ARHGAP24: variants seen among roughly 807,000 people sequenced by gnomAD.
ARHGAP24 encodes Rho GTPase activating protein 24.
Under a neutral mutation model 76.4 loss-of-function variants are expected in ARHGAP24, and 50 were observed. The observed-to-expected ratio is 0.65, with a 90% CI of 0.52 to 0.83. ARHGAP24 has a LOEUF of 0.83. ARHGAP24 is among the 40% of genes least tolerant of loss of function. The pLI is 0.00. For missense variants in ARHGAP24, 930 were observed against 914.2 expected, an observed-to-expected ratio of 1.02 and a Z score of -0.22; for synonymous variants, 345 against 323.3, an observed-to-expected ratio of 1.07 and a Z score of -0.72.
At chr4:85,957,816 A>G (rs533497034) in intron 5 of ARHGAP24, among the ~76,000 whole-genome samples, 1 of 152,246 alleles carries the variant, frequency 6.6e-6, no homozygotes, top group Non-Finnish European at 1.5e-5. Flanking sequence ...ACCTCCATGA[A>G]TGGGTATTAA....
intron 3 of ARHGAP24, among the ~76,000 whole-genome samples, chr4:85,841,088 A>T (rs1279465781): frequency 3.3e-5 from 5 of 152,158 alleles, no homozygotes; most frequent in Non-Finnish European, 7.4e-5. Flanking sequence ...TTATGTTTTA[A>T]ATGGAATCCA....
intron 1 of ARHGAP24, among the ~76,000 whole-genome samples, chr4:85,501,692 G>C (rs573220970): frequency 2.6e-5 from 4 of 152,234 alleles, no homozygotes; most frequent in Admixed American, 2.6e-4. Flanking sequence ...TCTGATGGTA[G>C]TTTCTTTTGC....
intron 2 of ARHGAP24, among the ~76,000 whole-genome samples, chr4:85,692,890 A>G (rs1560588472): frequency 6.6e-6 from 1 of 152,164 alleles, no homozygotes; most frequent in Non-Finnish European, 1.5e-5. Context: ...TTGAATTGTC[A>G]GAGTTCTGGT....
At chr4:85,968,160 A>G (rs1378027497) in intron 5 of ARHGAP24, among the ~76,000 whole-genome samples, 3 of 152,016 alleles carry the variant, frequency 2.0e-5, no homozygotes, top group Non-Finnish European at 2.9e-5. Flanking sequence ...ACCAAAGAGC[A>G]TGACTCTACA....
intron 3 of ARHGAP24, among the ~76,000 whole-genome samples, chr4:85,749,732 A>AT (rs1298621343): frequency 1.3e-5 from 2 of 151,798 alleles, no homozygotes; most frequent in Non-Finnish European, 2.9e-5. Flanking sequence ...CGCCTGGCTA[A>AT]TTTTTTGTAT....
intron 4 of ARHGAP24, among the ~76,000 whole-genome samples, chr4:85,932,432 G>A (rs956978206): frequency 1.6e-5 from 2 of 122,760 alleles, no homozygotes; most frequent in African/African-American, 6.6e-5. Flanking sequence ...TATCTTTAAA[G>A]GACTTTTTTT....
intron 3 of ARHGAP24, among the ~76,000 whole-genome samples, chr4:85,799,060 A>C (rs988166176): frequency 2.0e-5 from 3 of 152,222 alleles, no homozygotes; most frequent in Admixed American, 2.0e-4. Flanking sequence ...AATTTTTTAA[A>C]ATATATGCTG....
chr4:85,936,152 G>A (rs943287448), intron 4 of ARHGAP24, among the ~76,000 whole-genome samples: 1 of 152,186 alleles, frequency 6.6e-6, no homozygotes, highest in African/African-American at 2.4e-5. Flanking sequence ...CAGAGTTGCA[G>A]TAAGCAGAGG....
intron 2 of ARHGAP24, chr4:85,686,552 G>C (rs1356878728): frequency 6.6e-6 from 1 of 152,138 alleles, no homozygotes. Flanking sequence ...GGTATATATA[G>C]TATTGAGTAA....
intron 2 of ARHGAP24, among the ~76,000 whole-genome samples, chr4:85,677,948 G>A (rs1578133262): frequency 6.6e-6 from 1 of 152,038 alleles, no homozygotes; most frequent in Admixed American, 6.6e-5. Flanking sequence ...ACTGAGGCAA[G>A]AGCATCACTT....
At chr4:85,581,114 T>C (rs1727590982) in intron 2 of ARHGAP24, among the ~76,000 whole-genome samples, 2 of 152,168 alleles carry the variant, frequency 1.3e-5, no homozygotes, top group Non-Finnish European at 2.9e-5. Context: ...GATTATTAAC[T>C]TGAAATAATA....
rs185219422 is a variant in ARHGAP24, at chr4:85,765,292, A to C, written c.268+43320A>C. The stretch of plus-strand genomic sequence containing the variant: ...GTGAATTGGATTGTGCAGTGAGTAG[A>C]ATATTAGAGCACACCTGCAAGTGGC... On this transcript the variant is annotated intron_variant, in intron 3 of 9. Coordinates refer to ENST00000395184, the MANE Select transcript of ARHGAP24 (RefSeq NM_001025616.3). Among the ~76,000 whole-genome samples the C allele has an allele frequency of 3.8e-3, 572 of 152,232 alleles. 7 individuals are homozygous for C. Among genetic ancestry groups the C allele is most frequent in the African/African-American group, 0.013 (555 of 41,586 alleles).
intron 3 of ARHGAP24, among the ~76,000 whole-genome samples, chr4:85,828,225 G>T (rs1729814967): frequency 6.6e-6 from 1 of 152,114 alleles, no homozygotes; most frequent in South Asian, 2.1e-4. Context: ...GTGTTTCTTG[G>T]ATTCTTTCGT....
intron 1 of ARHGAP24, among the ~76,000 whole-genome samples, chr4:85,541,281 G>A (rs1182035544): frequency 7.6e-6 from 1 of 131,440 alleles, no homozygotes; most frequent in African/African-American, 3.7e-5. Context: ...AGCCTCCCAA[G>A]TAGCTGGGAC....
intron 2 of ARHGAP24, among the ~76,000 whole-genome samples, chr4:85,654,635 AT>A (rs1722074935): frequency 6.6e-6 from 1 of 152,282 alleles, no homozygotes; most frequent in East Asian, 1.9e-4. Context: ...GAATAAAAAA[AT>A]ATATTTTAAT....
intron 2 of ARHGAP24, among the ~76,000 whole-genome samples, chr4:85,603,782 T>G (rs1720107979): frequency 6.6e-6 from 1 of 152,212 alleles, no homozygotes; most frequent in African/African-American, 2.4e-5. Context: ...CACTAATGGT[T>G]CATTAATGTG....
chr4:85,711,727 A>G (rs1724534872), intron 2 of ARHGAP24, among the ~76,000 whole-genome samples: 1 of 152,198 alleles, frequency 6.6e-6, no homozygotes, highest in South Asian at 2.1e-4. Context: ...ATTCAGCGTT[A>G]TCAGGTTATT....
intron 3 of ARHGAP24, among the ~76,000 whole-genome samples, chr4:85,797,438 G>A (rs930097981): frequency 1.2e-4 from 18 of 152,206 alleles, no homozygotes; most frequent in African/African-American, 4.1e-4. Context: ...CTCCCAAAGT[G>A]CTGGGATTAC....
intron 3 of ARHGAP24, among the ~76,000 whole-genome samples, chr4:85,796,976 G>C (rs537833517): frequency 6.6e-6 from 1 of 152,274 alleles, no homozygotes; most frequent in Non-Finnish European, 1.5e-5. Context: ...TGGGCACTGA[G>C]GAAGGTGTGT....
Sources: gnomAD v4.1 joint callset for allele counts (sites outside exome capture counted in the v4.1 genomes callset) on GRCh38, gnomAD v4.1.1 for gene constraint, MANE v1.5 for transcripts, NCBI Gene and HGNC (gene_info 2026-07-23, HGNC 2026-07-21) for gene names.